The following KIAA1217 variants were observed in gnomAD, a reference collection of about 807,000 sequenced individuals.
KIAA1217 encodes the protein sickle tail protein homolog.
KIAA1217 carries 88 observed loss-of-function variants against 163.9 expected under a neutral mutation model. The ratio of observed to expected loss-of-function variants is 0.54; its 90% CI spans 0.45 to 0.64. The LOEUF is 0.64. Among genes scored for constraint, KIAA1217 ranks in the 30% least tolerant of loss-of-function variants. KIAA1217 has a pLI of 0.00. For synonymous variants in KIAA1217, 903 were observed against 923.1 expected (o/e 0.98, Z 0.39); for missense variants, 2,372 against 2,475.0 (o/e 0.96, Z 0.88).
At chr10:23,884,895 G>A (rs1564505859) in intron 1 of KIAA1217, among the ~76,000 whole-genome samples, 2 of 151,930 alleles carry the variant, frequency 1.3e-5, no homozygotes, top group African/African-American at 2.4e-5. Context: ...AGCCATCTCT[G>A]CAGTTACTCA....
chr10:24,132,539 A>G (rs2063693099), intron 2 of KIAA1217, among the ~76,000 whole-genome samples: 1 of 152,218 alleles, frequency 6.6e-6, no homozygotes, highest in Non-Finnish European at 1.5e-5. Flanking sequence ...CCAGTCTTCT[A>G]AAGGAGCAGT....
chr10:24,168,903 G>A (rs2065485101), intron 2 of KIAA1217, among the ~76,000 whole-genome samples: 1 of 152,220 alleles, frequency 6.6e-6, no homozygotes, highest in South Asian at 2.1e-4. Flanking sequence ...ATCAAGCAGT[G>A]GCTCTGAAGG....
chr10:24,314,046 G>A (rs1378897096), intron 2 of KIAA1217, among the ~76,000 whole-genome samples: 1 of 151,810 alleles, frequency 6.6e-6, no homozygotes, highest in Admixed American at 6.6e-5. Flanking sequence ...CTCTATGTTG[G>A]TCAGGTTGGT....
chr10:24,211,364 T>C lies in KIAA1217; in HGVS notation c.70+2101T>C, dbSNP rs900185598. Among the ~76,000 whole-genome samples the C allele has an allele frequency of 1.2e-3, 166 of 133,038 alleles. 14 individuals carry two copies. Among genetic ancestry groups the C allele is most frequent in the African/African-American group, 4.3e-3 (151 of 35,358 alleles). 87.3% of individuals were successfully genotyped at this position (133,038 alleles called of 152,430 possible). ...AATCTCCTGGCAGGTGGGACTACTT[T>C]TTTTTTTTTTTTTTTTTTTTTTTTT... On this transcript the variant is annotated intron_variant, in intron 1 of 20. Transcript: ENST00000376454.
chr10:24,480,495 A>C (rs7100847), intron 6 of KIAA1217, among the ~76,000 whole-genome samples: 16,433 of 152,274 alleles, frequency 0.11, 1,071 homozygotes, highest in East Asian at 0.16. Context: ...TTGCCAGCAG[A>C]TGGGACCTTT....
chr10:24,138,508 TTATGTGTTTTTATGTTA>T (rs2063922039), intron 2 of KIAA1217, among the ~76,000 whole-genome samples: 1 of 152,194 alleles, frequency 6.6e-6, no homozygotes, highest in Non-Finnish European at 1.5e-5. Context: ...TTTCATTAGA[TTATGTGTTTTTATGTTA>T]TTGTAAGCTA....
chr10:24,343,427 A>G (rs1421329169), intron 2 of KIAA1217, among the ~76,000 whole-genome samples: 5 of 152,182 alleles, frequency 3.3e-5, no homozygotes, highest in African/African-American at 1.2e-4. Context: ...GCGAAGCTCC[A>G]GTTTGTGTTT....
At chr10:24,533,492 C>T (rs796910255) in intron 16 of KIAA1217, among the ~76,000 whole-genome samples, 4 of 152,254 alleles carry the variant, frequency 2.6e-5, no homozygotes, top group African/African-American at 9.6e-5. Flanking sequence ...GTAAAATTGA[C>T]TTTCCTTTCT....
intron 1 of KIAA1217, chr10:24,007,196 A>T: frequency 6.6e-6 from 1 of 151,752 alleles, no homozygotes; most frequent in East Asian, 1.9e-4. Context: ...TGCAGTGGGA[A>T]CAATTCCATT....
chr10:24,224,979 A>G (rs939457932), intron 2 of KIAA1217, among the ~76,000 whole-genome samples: 7 of 151,520 alleles, frequency 4.6e-5, no homozygotes, highest in East Asian at 1.9e-4. Context: ...GGCGCCCACC[A>G]CCACGCCTAG....
chr10:24,105,423 G>T (rs1232632558), intron 2 of KIAA1217, among the ~76,000 whole-genome samples: 2 of 152,172 alleles, frequency 1.3e-5, no homozygotes, highest in African/African-American at 4.8e-5. Flanking sequence ...AAAGGTAGCA[G>T]CTTTTTAATG....
chr10:24,404,369 C>T (rs182837568), intron 3 of KIAA1217, among the ~76,000 whole-genome samples: 30 of 152,124 alleles, frequency 2.0e-4, no homozygotes, highest in South Asian at 8.3e-4. Flanking sequence ...GAGATGGAGA[C>T]CCTCCTGGCC....
chr10:23,762,591 CAAA>C (rs1834315187), intron 1 of KIAA1217, among the ~76,000 whole-genome samples: 1 of 152,046 alleles, frequency 6.6e-6, no homozygotes, highest in African/African-American at 2.4e-5. Context: ...AAACTCTCAA[CAAA>C]ATAGGTATAG....
chr10:24,269,993 G>T (rs1237817767), intron 2 of KIAA1217, among the ~76,000 whole-genome samples: 1 of 152,178 alleles, frequency 6.6e-6, no homozygotes, highest in Non-Finnish European at 1.5e-5. Context: ...ATCAACACAG[G>T]TATGGAAGAA....
intron 2 of KIAA1217, among the ~76,000 whole-genome samples, chr10:24,324,458 T>C (rs1348616378): frequency 6.6e-6 from 1 of 152,026 alleles, no homozygotes; most frequent in Admixed American, 6.6e-5. Context: ...TCCTAGCTAC[T>C]GAGGAGGCTA....
upstream of KIAA1217, chr10:24,209,079 C>T (rs2067741956): frequency 3.7e-6 from 3 of 804,254 alleles, no homozygotes; most frequent in African/African-American, 1.7e-5. Context: ...GGTGGGGTTT[C>T]GCACCGTCCC....
At chr10:23,703,781 AG>A (rs1836651598) in intron 1 of KIAA1217, among the ~76,000 whole-genome samples, 1 of 137,690 alleles carries the variant, frequency 7.3e-6, no homozygotes, top group Non-Finnish European at 1.5e-5. Flanking sequence ...GGTATAGATC[AG>A]GGGGTCAGCA....
At chr10:23,954,381 A>T (rs1371880850) in intron 1 of KIAA1217, among the ~76,000 whole-genome samples, 1 of 152,092 alleles carries the variant, frequency 6.6e-6, no homozygotes, top group Non-Finnish European at 1.5e-5. Flanking sequence ...CCTAGGCAAC[A>T]TAGCAAGATC....
intron 2 of KIAA1217, among the ~76,000 whole-genome samples, chr10:24,172,103 T>C (rs2366750): frequency 0.66 from 99,623 of 152,032 alleles, 33,508 homozygotes; most frequent in Non-Finnish European, 0.74. Context: ...TTGGCTATTA[T>C]ACTGAGAGTA....
Sources: gnomAD v4.1 joint callset for allele counts (sites outside exome capture counted in the v4.1 genomes callset) on GRCh38, gnomAD v4.1.1 for gene constraint, MANE v1.5 for transcripts, NCBI Gene and HGNC (gene_info 2026-07-23, HGNC 2026-07-21) for gene names.